RLF: variants seen among roughly 807,000 people sequenced by gnomAD.
RLF encodes the protein RLF zinc finger, also known as zinc finger protein Rlf.
A neutral mutation model predicts 162.9 loss-of-function variants in RLF; 7 were observed. The ratio of observed to expected loss-of-function variants is 0.04; its 90% confidence interval spans 0.02 to 0.08. RLF has a LOEUF of 0.08. RLF is among the 10% of genes least tolerant of loss of function. The pLI, the probability that RLF is intolerant of heterozygous loss-of-function variation, is 1.00. For synonymous variants in RLF, 782 were observed against 791.5 expected (o/e 0.99, Z 0.20); for missense variants, 1,664 against 2,244.7 (o/e 0.74, Z 5.23).
intron 1 of RLF, among the ~76,000 whole-genome samples, chr1:40,185,954 C>T (rs921026575): frequency 3.3e-5 from 5 of 150,092 alleles, no homozygotes; most frequent in Admixed American, 2.7e-4. Context: ...GTCAAGAGTT[C>T]GAGACCAGCC....
chr1:40,218,923 A>G (rs765732206), intron 5 of RLF, among the ~76,000 whole-genome samples: 1 of 152,316 alleles, frequency 6.6e-6, no homozygotes, highest in Admixed American at 6.5e-5. Context: ...GTTTGTCTTA[A>G]TAGCTATAGA....
intron 6 of RLF, among the ~76,000 whole-genome samples, chr1:40,224,663 G>A (rs111706177): frequency 1.8e-5 from 2 of 109,458 alleles, no homozygotes; most frequent in African/African-American, 7.7e-5. Flanking sequence ...TTGGTAGTGG[G>A]ATGCTGGAGT....
In RLF at chr1:40,161,429, T is replaced by A; in HGVS notation, c.30T>A (p.Ala10=). 1.3e-6 allele frequency: 2 copies of A among 1,554,094 alleles called. No homozygotes were observed. The highest frequency in any genetic ancestry group is 1.7e-6 in the Non-Finnish European group (2 of 1,155,830). The stretch of plus-strand genomic sequence containing the variant: ...CGGACGGAAAGGGAGACGCCGCCGC[T>A]GTCGCCGGGGCTGGGGCTGAGGCTC... MADGKGDAA[A]VAGAGAEAPA... is the part of the protein sequence containing the mutation. Residue 10 remains alanine, a synonymous_variant, in exon 1 of 8, where the codon GCT becomes GCA. Transcript: ENST00000372771. This position sits in a 1 kb window ranked among gnomAD's most constrained non-coding sequence, Gnocchi z 4.4.
intron 4 of RLF, among the ~76,000 whole-genome samples, chr1:40,198,789 T>A (rs1355270201): frequency 6.6e-6 from 1 of 152,094 alleles, no homozygotes; most frequent in African/African-American, 2.4e-5. Context: ...TAAAAAAAAA[T>A]TTTGTATTGA....
At chr1:40,184,100 T>C (rs1362276057) in intron 1 of RLF, among the ~76,000 whole-genome samples, 3 of 152,168 alleles carry the variant, frequency 2.0e-5, no homozygotes, top group Non-Finnish European at 4.4e-5. Flanking sequence ...GGAGATTTTT[T>C]TTGCTTTGAA....
At chr1:40,184,380 G>A (rs144704980) in intron 1 of RLF, among the ~76,000 whole-genome samples, 1 of 152,320 alleles carries the variant, frequency 6.6e-6, no homozygotes, top group East Asian at 1.9e-4. Context: ...TTAGGTGAAT[G>A]GCTACAGAGA....
In RLF at chr1:40,203,737, T is replaced by C. The variant is rs570045562; in HGVS notation, c.810+1123T>C. Reference sequence around the variant, plus strand: ...TTATCTGCCATTCAATTCTGACATATGGATTCTTACTCTGAACTGAAATTT... The same window carrying C: ...TTATCTGCCATTCAATTCTGACATACGGATTCTTACTCTGAACTGAAATTT... On this transcript the variant is annotated intron_variant, in intron 5 of 7. Coordinates refer to ENST00000372771, the MANE Select transcript of RLF (RefSeq NM_012421.4). Among the ~76,000 whole-genome samples the C allele has an allele frequency of 3.8e-3, 583 of 152,292 alleles. 2 individuals are homozygous for C. Among genetic ancestry groups the C allele is most frequent in the Non-Finnish European group, 7.1e-3 (480 of 68,024 alleles).
intron 1 of RLF, among the ~76,000 whole-genome samples, chr1:40,182,793 AG>A (rs1183113693): frequency 1.3e-5 from 2 of 152,032 alleles, no homozygotes; most frequent in African/African-American, 4.8e-5. Flanking sequence ...AGATAGATAG[AG>A]TAATAAGTTA....
Position 40,225,604 on chromosome 1 carries a change from C to T in RLF, c.947+2894C>T, listed in dbSNP as rs1255872356. ...AAAAAAAAAAAAAAAAAGCCGGGCG[C>T]GGTGGCTCATGCCTGTAATCCCAGC... is the stretch of plus-strand genomic sequence containing the variant. On this transcript the variant is annotated intron_variant, in intron 6 of 7. Coordinates refer to ENST00000372771, the MANE Select transcript of RLF (RefSeq NM_012421.4). 3.7e-5 allele frequency among the ~76,000 whole-genome samples: 5 copies of T among 136,648 alleles called. No homozygotes were observed. In the South Asian group the frequency reaches 9.0e-4, roughly 25 times the overall value. 89.6% of individuals were successfully genotyped at this position (136,648 alleles called of 152,430 possible).
In RLF at chr1:40,237,754, A is replaced by G. The variant is rs372465267; in HGVS notation, c.3052A>G (p.Thr1018Ala). 17 of 1,613,980 alleles carry G rather than the reference A, an allele frequency of 1.1e-5. No homozygotes were observed. The highest frequency in any genetic ancestry group is 1.3e-5 in the African/African-American group (1 of 74,936). ...TGCAGAACCTAAACCCTGCTCAGAT[A>G]CAAACAGTGACTCCCCAGATGAAGG... ...LDAEPKPCSD[T>A]NSDSPDEGLD... Residue 1018 changes from threonine (T) to alanine (A), a missense_variant, in exon 8 of 8, where the codon ACA (threonine) becomes GCA (alanine). Around this residue, in one of 15 missense-constraint regions of RLF, gnomAD observed 295 missense variants for 317.4 expected, o/e 0.93. Transcript: ENST00000372771. This position sits in a 1 kb window ranked among gnomAD's most constrained non-coding sequence, Gnocchi z 4.4.
At chr1:40,203,179 A>G (rs145922911) in intron 5 of RLF, among the ~76,000 whole-genome samples, 37 of 146,270 alleles carry the variant, frequency 2.5e-4, no homozygotes, top group African/African-American at 7.8e-4. Context: ...CAGTGGTGCA[A>G]TTTCGGCTCA....
At position 40,236,480 on chromosome 1, in the gene RLF, G is replaced by A. The variant is rs748194413; in HGVS notation, c.1778G>A (p.Arg593Lys). 6.2e-7 allele frequency: 1 copy of A among 1,613,702 alleles called. No individual in the cohort carries two copies. Among genetic ancestry groups the A allele is most frequent in the Non-Finnish European group, 8.5e-7 (1 of 1,179,892 alleles). The change falls in exon 8 of 8, where the codon AGA (arginine) becomes AAA (lysine). Residue 593 changes from arginine to lysine, a missense_variant. This residue lies in a region of RLF where 31 missense variants were observed against 80.5 expected (regional missense o/e 0.39). Transcript: ENST00000372771. The surrounding 1 kb of genome is among the most constrained non-coding windows in gnomAD (Gnocchi z 7.7). ...TCPVCIKKFK[R>K]KEMFVPHVME... ...CCAGTTTGTATTAAAAAATTTAAGAGAAAAGAAATGTTTGTTCCTCATGTG... is the reference window on the plus strand; with the variant it reads ...CCAGTTTGTATTAAAAAATTTAAGAAAAAAGAAATGTTTGTTCCTCATGTG...
chr1:40,225,415 C>G (rs1643055985), intron 6 of RLF, among the ~76,000 whole-genome samples: 1 of 151,950 alleles, frequency 6.6e-6, no homozygotes, highest in Non-Finnish European at 1.5e-5. Context: ...CCCATCTCTA[C>G]TTAAAATACA....
rs758156256 is a variant in RLF at position 40,240,057 on chromosome 1, T to A, written c.5355T>A (p.Asp1785Glu). Reference sequence around the variant, plus strand: ...TTCAGGAAAGTGAAGAGAAAGAAGATGATTTTGATGATTGGGAGCCTTCAG... The same window carrying A: ...TTCAGGAAAGTGAAGAGAAAGAAGAAGATTTTGATGATTGGGAGCCTTCAG... The part of the protein sequence containing the change: ...KFIQESEEKE[D>E]DFDDWEPSEH... The change falls in exon 8 of 8, where the codon GAT (aspartate) becomes GAA (glutamate). Residue 1785 changes from aspartate to glutamate, a missense_variant. By Grantham distance (45) the Asp-to-Glu change is conservative. This residue lies in a region of RLF where 327 missense variants were observed against 342.7 expected (regional missense o/e 0.95). Coordinates refer to ENST00000372771, the MANE Select transcript of RLF (RefSeq NM_012421.4). 4 of 1,614,120 alleles carry A rather than the reference T, an allele frequency of 2.5e-6. No homozygotes were observed. Among genetic ancestry groups the A allele is most frequent in the East Asian group, 2.2e-5 (1 of 44,876 alleles).
At chr1:40,197,539 A>G (rs1055443890) in intron 4 of RLF, among the ~76,000 whole-genome samples, 1 of 152,240 alleles carries the variant, frequency 6.6e-6, no homozygotes, top group Admixed American at 6.5e-5. Context: ...TTCCCCTGAT[A>G]TACTAATCAA....
At chr1:40,174,844 T>C (rs919087880) in intron 1 of RLF, among the ~76,000 whole-genome samples, 1 of 152,134 alleles carries the variant, frequency 6.6e-6, no homozygotes, top group Non-Finnish European at 1.5e-5. Flanking sequence ...CTCTCTTTAT[T>C]TGGTTTTTTC....
intron 3 of RLF, among the ~76,000 whole-genome samples, chr1:40,194,434 T>C (rs1642601611): frequency 6.6e-6 from 1 of 151,798 alleles, no homozygotes; most frequent in Admixed American, 6.6e-5. Flanking sequence ...AGGTCAGGAG[T>C]TCGAGACCAG....
intron 1 of RLF, among the ~76,000 whole-genome samples, chr1:40,183,780 G>A (rs1047373837): frequency 2.0e-5 from 3 of 151,948 alleles, no homozygotes; most frequent in Admixed American, 2.0e-4. Context: ...CTTGACAGTG[G>A]CTCCTCATTT....
At position 40,240,139 on chromosome 1, in the gene RLF, G is replaced by C; in HGVS notation, c.5437G>C (p.Val1813Leu). ...QSSNDLTGNV[V>L]ANNMVNDSEP... ...CAGTAATGATTTAACAGGGAATGTT[G>C]TGGCAAATAATATGGTGAATGACAG... Residue 1813 changes from valine (V) to leucine (L), a missense_variant, in exon 8 of 8, where the codon GTG becomes CTG. Val to Leu is a conservative substitution (Grantham distance 32, BLOSUM62 1). Transcript: ENST00000372771. The C allele has an allele frequency of 6.2e-7, 1 of 1,614,200 alleles. No individual in the cohort carries two copies. The highest frequency in any genetic ancestry group is 1.3e-5 in the African/African-American group (1 of 75,064).
Sources: gnomAD v4.1 joint callset for allele counts (sites outside exome capture counted in the v4.1 genomes callset) on GRCh38, gnomAD v4.1.1 for gene constraint, gnomAD v4.1.1 regional missense constraint, Gnocchi (gnomAD v3.1) non-coding constraint, MANE v1.5 for transcripts, NCBI Gene and HGNC (gene_info 2026-07-23, HGNC 2026-07-21) for gene names.